The following LPIN1 variants were observed in gnomAD, a reference collection of about 807,000 sequenced individuals.
LPIN1 encodes phosphatidate phosphatase LPIN1.
LPIN1 carries 71 observed loss-of-function variants against 107.5 expected under a neutral mutation model. The ratio of observed to expected loss-of-function variants is 0.66; its 90% CI spans 0.55 to 0.80. The LOEUF (loss-of-function observed/expected upper bound fraction) is 0.80. LPIN1 is among the 30% of genes least tolerant of loss of function. The probability of loss-of-function intolerance (pLI) is 0.00; values close to 1 mark genes in which losing one functional copy is unlikely to be tolerated. For missense variants in LPIN1, 1,043 were observed against 1,160.6 expected (o/e 0.90, Z 1.47); for synonymous variants, 445 against 452.6 (o/e 0.98, Z 0.21).
intron 2 of LPIN1, among the ~76,000 whole-genome samples, chr2:11,766,908 G>GA (rs1273968134): frequency 1.3e-5 from 2 of 152,240 alleles, no homozygotes; most frequent in African/African-American, 4.8e-5. Flanking sequence ...GGTGGGGTAT[G>GA]AGGAAGCCTG....
At chr2:11,748,067 T>G (rs1667231131) in intron 1 of LPIN1, among the ~76,000 whole-genome samples, 1 of 152,100 alleles carries the variant, frequency 6.6e-6, no homozygotes, top group Admixed American at 6.6e-5. Flanking sequence ...ACCTGCTGAG[T>G]CTTGTGGTGT....
At chr2:11,783,949 C>T (rs371269342) in intron 9 of LPIN1, 27 bp downstream of exon 9, 1 of 1,613,528 alleles carries the variant, frequency 6.2e-7, no homozygotes, top group Non-Finnish European at 8.5e-7. Flanking sequence ...TTCCTCACAT[C>T]ATTTCCTATA....
intron 1 of LPIN1, among the ~76,000 whole-genome samples, chr2:11,694,448 C>A (rs7580386): frequency 0.13 from 19,869 of 152,200 alleles, 3,844 homozygotes; most frequent in African/African-American, 0.43. Context: ...TCCTCTGACC[C>A]CTCTGGCCAC....
exon 1 of LPIN1, chr2:11,724,490 C>A (rs1008283375): frequency 1.0e-6 from 1 of 985,800 alleles, no homozygotes; most frequent in Non-Finnish European, 1.2e-6. Context: ...GCCCAGCCTG[C>A]TGAGAACTAG....
chr2:11,813,650 C>T (rs1010571411), intron 17 of LPIN1, among the ~76,000 whole-genome samples: 16 of 152,148 alleles, frequency 1.1e-4, no homozygotes, highest in Non-Finnish European at 1.9e-4. Flanking sequence ...CGTGGTGGCT[C>T]ATGCCTGTAA....
At chr2:11,792,939 G>T (rs1676039195) in intron 13 of LPIN1, among the ~76,000 whole-genome samples, 1 of 152,098 alleles carries the variant, frequency 6.6e-6, no homozygotes, top group Admixed American at 6.5e-5. Flanking sequence ...CTCTAGGAGG[G>T]TCCTCAAAGC....
At chr2:11,681,478 CCTT>C (rs1661710173) in intron 1 of LPIN1, 1 of 158,158 alleles carries the variant, frequency 6.3e-6, no homozygotes. Context: ...TTCCCCTTCG[CCTT>C]CTGCCGTCAT....
chr2:11,765,624 C>G lies in LPIN1; in HGVS notation c.83C>G (p.Ser28Ter). ...AAGGGGCTGAATCCCGCCACACTCTCAGGGTGCATTGACATCATTGTCATC... is the reference window on the plus strand; with the variant it reads ...AAGGGGCTGAATCCCGCCACACTCTGAGGGTGCATTGACATCATTGTCATC... ...LYKGLNPATLSGCIDIIVIRQ... is the reference protein window; with the variant it reads ...LYKGLNPATL The change falls in exon 2 of 21, where the codon TCA becomes TGA. Residue 28 changes from serine to a stop codon, truncating the protein, a stop_gained. Transcript: ENST00000674199. LOFTEE classifies it high-confidence loss of function. The surrounding 1 kb of genome is among the most constrained non-coding windows in gnomAD (Gnocchi z 4.4). 6.2e-7 allele frequency: 1 copy of G among 1,614,162 alleles called. No individual in the cohort carries two copies. The highest frequency in any genetic ancestry group is 8.5e-7 in the Non-Finnish European group (1 of 1,180,018).
intron 12 of LPIN1, chr2:11,791,611 ACTAAT>A (rs1675736599): frequency 8.2e-7 from 1 of 1,222,506 alleles, no homozygotes; most frequent in African/African-American, 1.6e-5. Context: ...TTCCAGTCTT[ACTAAT>A]CACTAATGAT....
chr2:11,691,948 G>A (rs536702472), intron 1 of LPIN1, among the ~76,000 whole-genome samples: 4 of 152,310 alleles, frequency 2.6e-5, no homozygotes, highest in African/African-American at 4.8e-5. Flanking sequence ...CCTACAATGC[G>A]AGTGTGTGTG....
intron 16 of LPIN1, 90 bp from the exon 17 acceptor site, chr2:11,804,978 TTG>T (rs1678403059): frequency 3.6e-6 from 3 of 839,740 alleles, no homozygotes; most frequent in Non-Finnish European, 5.9e-6. Context: ...TGGGTCTTGT[TTG>T]TGTTTTTTTT....
At chr2:11,736,490 G>A (rs6707885) in intron 1 of LPIN1, among the ~76,000 whole-genome samples, 40,645 of 152,066 alleles carry the variant, frequency 0.27, 8,454 homozygotes, top group African/African-American at 0.58. Flanking sequence ...GAGCTCATCT[G>A]AACTTAATCA....
Position 11,771,306 on chromosome 2 carries a change from G to A in LPIN1, c.289-66G>A. ...TCTGAAGTGAATCCTGGAGGCCTCT[G>A]GCAAGGCCCTGCTTCTTATACCTGA... On this transcript the variant is annotated intron_variant, in intron 3 of 20. Transcript: ENST00000674199. The surrounding 1 kb of genome is among the most constrained non-coding windows in gnomAD (Gnocchi z 4.8). 1 of 1,536,532 alleles carries A rather than the reference G, an allele frequency of 6.5e-7. No individual in the cohort carries two copies. Among genetic ancestry groups the A allele is most frequent in the Non-Finnish European group, 9.0e-7 (1 of 1,111,002 alleles).
chr2:11,808,870 CAAA>C (rs1205659703), intron 17 of LPIN1, among the ~76,000 whole-genome samples: 6 of 74,074 alleles, frequency 8.1e-5, no homozygotes, highest in Admixed American at 3.1e-4. Context: ...GACACCATCT[CAAA>C]AAAAAAAAAA....
intron 1 of LPIN1, among the ~76,000 whole-genome samples, chr2:11,680,143 G>A (rs536215088): frequency 6.6e-6 from 1 of 152,216 alleles, no homozygotes; most frequent in Non-Finnish European, 1.5e-5. Context: ...AGGAGATGTG[G>A]GTGGGAGAGG....
intron 18 of LPIN1, chr2:11,816,251 C>T (rs550871656): frequency 1.3e-5 from 2 of 152,302 alleles, no homozygotes; most frequent in East Asian, 1.9e-4. Flanking sequence ...GAGACATGCA[C>T]ATTCTAGGGG....
intron 1 of LPIN1, among the ~76,000 whole-genome samples, chr2:11,683,929 G>A (rs1182416535): frequency 6.6e-6 from 1 of 152,186 alleles, no homozygotes; most frequent in South Asian, 2.1e-4. Flanking sequence ...TTTAAACTGG[G>A]GCTGATGACG....
intron 1 of LPIN1, chr2:11,741,051 G>C (rs1369463096): frequency 4.2e-6 from 1 of 236,572 alleles, no homozygotes; most frequent in Non-Finnish European, 8.1e-6. Context: ...GGGCACGAAA[G>C]AGATCTTCCT....
Position 11,776,131 on chromosome 2 carries a change from G to C in LPIN1, c.768G>C (p.Ala256=). ...GGACTGCCCCTCATCTTGCAGTTGC[G>C]GCCGAGGGAGGTCTGTCTAGTTCTT... ...CKRTAPHLAV[A]AEGGLSSSCP... Residue 256 remains alanine (A), a synonymous_variant, in exon 6 of 21, where the codon GCG becomes GCC. Transcript: ENST00000674199. 1.3e-6 allele frequency: 2 copies of C among 1,548,388 alleles called. No individual in the cohort carries two copies. Among genetic ancestry groups the C allele is most frequent in the Non-Finnish European group, 1.7e-6 (2 of 1,145,636 alleles).
Sources: allele counts gnomAD v4.1 joint callset (sites outside exome capture counted in the v4.1 genomes callset), GRCh38; gene constraint gnomAD v4.1.1; non-coding constraint Gnocchi (gnomAD v3.1); transcripts MANE v1.5; gene names NCBI Gene and HGNC (gene_info 2026-07-23, HGNC 2026-07-21).